Variants in CNTN4 observed in about 807,000 individuals in gnomAD.
CNTN4 encodes contactin 4.
In CNTN4, 77 loss-of-function variants were observed where a neutral mutation model predicts 122.5. The observed-to-expected ratio is 0.63, with a 90% CI of 0.52 to 0.76. CNTN4 has a LOEUF of 0.76. Ranked by LOEUF, CNTN4 falls within the 30% of genes least tolerant of loss-of-function variation. The pLI is 0.00. For missense variants in CNTN4, 1,256 were observed against 1,259.1 expected, an observed-to-expected ratio of 1.00 and a Z score of 0.04; for synonymous variants, 512 against 447.0, an observed-to-expected ratio of 1.15 and a Z score of -1.83.
At chr3:2,210,462 C>T (rs1309443822) in intron 2 of CNTN4, among the ~76,000 whole-genome samples, 1 of 152,110 alleles carries the variant, frequency 6.6e-6, no homozygotes, top group Non-Finnish European at 1.5e-5. Flanking sequence ...GGTCTCCTTA[C>T]CTTCAGTCTT....
Position 2,203,854 on chromosome 3 carries a change from AATGTTGAGTATAACCTGTTTATACAG to A in CNTN4, c.-145+103219_-145+103244del, listed in dbSNP as rs1479927294. On this transcript the variant is annotated intron_variant, in intron 2 of 24. Transcript: ENST00000418658. The stretch of plus-strand genomic sequence containing the variant: ...CCTTTTGGTAGAAGCCAGTAAACAG[AATGTTGAGTATAACCTGTTTATACAG>A]ATGAGAAATCTGACACATAAGTTCA... 2.0e-5 allele frequency among the ~76,000 whole-genome samples: 3 copies of A among 152,158 alleles called. 1 individual carries two copies. The highest frequency in any genetic ancestry group is 4.4e-5 in the Non-Finnish European group (3 of 68,012).
intron 2 of CNTN4, among the ~76,000 whole-genome samples, chr3:2,159,989 TCTTTG>T (rs1288508220): frequency 6.6e-6 from 1 of 152,158 alleles, no homozygotes; most frequent in Non-Finnish European, 1.5e-5. Flanking sequence ...AAATTCTTTT[TCTTTG>T]CTTTGTGTTT....
At chr3:3,039,926 A>C in intron 19 of CNTN4, 111 bp from the exon 20 acceptor site, 1 of 775,054 alleles carries the variant, frequency 1.3e-6, no homozygotes, top group Non-Finnish European at 2.3e-6. Context: ...AACGCCAAAT[A>C]AGATGGGTGG....
chr3:2,568,059 C>A (rs747667391), intron 3 of CNTN4, among the ~76,000 whole-genome samples: 3 of 152,158 alleles, frequency 2.0e-5, no homozygotes, highest in Non-Finnish European at 4.4e-5. Context: ...GTGCCTGCCA[C>A]ATGGTAAACA....
chr3:2,706,552 G>A (rs929268061), intron 4 of CNTN4, among the ~76,000 whole-genome samples: 7 of 152,104 alleles, frequency 4.6e-5, no homozygotes, highest in Non-Finnish European at 8.8e-5. Context: ...CACACTTTAT[G>A]TAATATTGGG....
At chr3:2,818,252 C>T (rs2092785124) in intron 6 of CNTN4, among the ~76,000 whole-genome samples, 1 of 152,168 alleles carries the variant, frequency 6.6e-6, no homozygotes, top group East Asian at 1.9e-4. Context: ...TCCCTAATTC[C>T]AGAAGAATCT....
intron 3 of CNTN4, among the ~76,000 whole-genome samples, chr3:2,400,428 C>CATATATATATATATATATATATATATAT (rs58112641): frequency 2.1e-5 from 2 of 95,820 alleles, no homozygotes; most frequent in Non-Finnish European, 4.4e-5. Context: ...TATATATATA[C>CATATATATATATATATATATATATATAT]ATATATATAT....
intron 4 of CNTN4, among the ~76,000 whole-genome samples, chr3:2,576,786 G>C (rs1441433431): frequency 6.6e-6 from 1 of 152,114 alleles, no homozygotes; most frequent in Non-Finnish European, 1.5e-5. Flanking sequence ...AACCTCAAAT[G>C]ATCCACGTGC....
chr3:2,815,938 C>T (rs1366140969), intron 6 of CNTN4, among the ~76,000 whole-genome samples: 1 of 150,318 alleles, frequency 6.7e-6, no homozygotes, highest in Non-Finnish European at 1.5e-5. Flanking sequence ...ACAGCATTTG[C>T]AGTGACGTGG....
At chr3:2,861,286 A>G (rs1265325369) in intron 7 of CNTN4, among the ~76,000 whole-genome samples, 5 of 152,146 alleles carry the variant, frequency 3.3e-5, no homozygotes, top group East Asian at 1.9e-4. Flanking sequence ...TGCTCAGCAC[A>G]CTGATAACTA....
chr3:2,481,699 G>T lies in CNTN4; in HGVS notation c.-88-89717G>T, dbSNP rs557659459. Among the ~76,000 whole-genome samples the T allele has an allele frequency of 2.2e-4, 33 of 152,076 alleles. 1 individual carries two copies. Among genetic ancestry groups the T allele is most frequent in the Non-Finnish European group, 2.9e-4 (20 of 67,994 alleles). On this transcript the variant is annotated intron_variant, in intron 3 of 24. Transcript: ENST00000418658. ...TAATCACATAATCCCTATGTGTTGT[G>T]GGGGGGACCTTGTGGGAGGTAATTA...
chr3:2,406,252 A>G (rs1291872238), intron 3 of CNTN4, among the ~76,000 whole-genome samples: 1 of 152,218 alleles, frequency 6.6e-6, no homozygotes, highest in Non-Finnish European at 1.5e-5. Flanking sequence ...CATGTTTAAT[A>G]TCAATGGTAA....
chr3:2,541,529 A>G (rs1333495705), intron 3 of CNTN4, among the ~76,000 whole-genome samples: 1 of 152,116 alleles, frequency 6.6e-6, no homozygotes, highest in Non-Finnish European at 1.5e-5. Flanking sequence ...TGGGTACAAT[A>G]GAAGGTAAGC....
intron 3 of CNTN4, among the ~76,000 whole-genome samples, chr3:2,453,318 C>A (rs1575664778): frequency 6.6e-6 from 1 of 152,004 alleles, no homozygotes; most frequent in South Asian, 2.1e-4. Flanking sequence ...AACATAAATA[C>A]TATTTTAAAA....
chr3:2,958,293 C>T (rs1023718867), intron 13 of CNTN4, among the ~76,000 whole-genome samples: 6 of 152,238 alleles, frequency 3.9e-5, no homozygotes, highest in African/African-American at 1.4e-4. Flanking sequence ...TAAGTGAGCA[C>T]CCCATTTTAT....
chr3:2,841,283 T>G lies in CNTN4; in HGVS notation c.454+21702T>G, dbSNP rs2093357533. On this transcript the variant is annotated intron_variant, in intron 7 of 24. Coordinates refer to ENST00000418658, the MANE Select transcript of CNTN4 (RefSeq NM_175607.3). This position sits in a 1 kb window ranked among gnomAD's most constrained non-coding sequence, Gnocchi z 4.8. ...GATGTGTTAATATATAGTGCAAAGT[T>G]TCCAATGTAGTTAGAGTTACTACAA... Among the ~76,000 whole-genome samples the G allele has an allele frequency of 6.6e-6, 1 of 152,212 alleles. No individual in the cohort carries two copies. The highest frequency in any genetic ancestry group is 2.1e-4 in the South Asian group (1 of 4,832).
chr3:2,400,436 T>TAC (rs1481719434), intron 3 of CNTN4, among the ~76,000 whole-genome samples: 1 of 131,700 alleles, frequency 7.6e-6, no homozygotes, highest in East Asian at 2.0e-4. Flanking sequence ...TACATATATA[T>TAC]ATATATATAT....
At position 2,118,175 on chromosome 3, in the gene CNTN4, C is replaced by T. The variant is rs147194299; in HGVS notation, c.-145+17536C>T. ...TCCTGTGAGCTAGATGCTGTGATGA[C>T]CCCTGGGTCCTAAATGAGAAAACTG... On this transcript the variant is annotated intron_variant, in intron 2 of 24. Transcript: ENST00000418658. Among the ~76,000 whole-genome samples the T allele has an allele frequency of 4.2e-3, 633 of 152,258 alleles. 2 individuals carry two copies. The highest frequency in any genetic ancestry group is 0.015 in the African/African-American group (603 of 41,560).
chr3:2,298,242 G>A (rs1390351797), intron 2 of CNTN4, among the ~76,000 whole-genome samples: 3 of 151,998 alleles, frequency 2.0e-5, no homozygotes, highest in Non-Finnish European at 4.4e-5. Flanking sequence ...CCTCCTTTAA[G>A]GTTCTTGTCG....
Sources: gnomAD v4.1 joint callset for allele counts (sites outside exome capture counted in the v4.1 genomes callset) on GRCh38, gnomAD v4.1.1 for gene constraint, Gnocchi (gnomAD v3.1) non-coding constraint, MANE v1.5 for transcripts, NCBI Gene and HGNC (gene_info 2026-07-23, HGNC 2026-07-21) for gene names.